The following KCNN2 variants were observed in gnomAD, a reference collection of about 807,000 sequenced individuals.
KCNN2 encodes small conductance calcium-activated potassium channel protein 2.
In KCNN2, 24 loss-of-function variants were observed where a neutral mutation model predicts 55.5. The observed-to-expected ratio is 0.43, with a 90% CI of 0.31 to 0.61. The LOEUF (loss-of-function observed/expected upper bound fraction) is 0.61. KCNN2 is among the 20% of genes least tolerant of loss of function. The pLI is 0.08. For missense variants in KCNN2, 754 were observed against 853.6 expected (o/e 0.88, Z 1.45); for synonymous variants, 431 against 336.1 (o/e 1.28, Z -3.09).
At chr5:114,241,794 G>A (rs1440129136) in intron 2 of KCNN2, among the ~76,000 whole-genome samples, 9,465 of 16,836 alleles carry the variant, frequency 0.56, 3,074 homozygotes, top group South Asian at 0.68. Flanking sequence ...GTATATATAT[G>A]TATATATATA....
At chr5:114,475,748 G>A (rs537003069) in intron 5 of KCNN2, among the ~76,000 whole-genome samples, 1 of 152,128 alleles carries the variant, frequency 6.6e-6, no homozygotes, top group Admixed American at 6.5e-5. Flanking sequence ...TCCGGTCAGA[G>A]GCCCCTTTAG....
intron 1 of KCNN2, among the ~76,000 whole-genome samples, chr5:114,147,410 C>T (rs1353476472): frequency 6.6e-6 from 1 of 152,122 alleles, no homozygotes; most frequent in Non-Finnish European, 1.5e-5. Context: ...ACGTTGACGT[C>T]CTAACCCAAT....
chr5:114,223,876 C>T (rs548555429), intron 2 of KCNN2, among the ~76,000 whole-genome samples: 13 of 152,150 alleles, frequency 8.5e-5, no homozygotes, highest in African/African-American at 2.9e-4. Flanking sequence ...AAGAAGGGGG[C>T]CCCATTTGGC....
intron 2 of KCNN2, among the ~76,000 whole-genome samples, chr5:114,397,996 A>G (rs1758671216): frequency 6.6e-6 from 1 of 152,140 alleles, no homozygotes; most frequent in East Asian, 1.9e-4. Flanking sequence ...TACTGTGTTC[A>G]TAGTTTCCTT....
At chr5:114,472,633 CATCTT>C (rs887456533) in intron 4 of KCNN2, among the ~76,000 whole-genome samples, 2 of 152,162 alleles carry the variant, frequency 1.3e-5, no homozygotes, top group African/African-American at 4.8e-5. Context: ...CTGCTGATCT[CATCTT>C]AAGATTAGAG....
chr5:114,117,561 C>T (rs1024916031), intron 1 of KCNN2, among the ~76,000 whole-genome samples: 1 of 152,114 alleles, frequency 6.6e-6, no homozygotes, highest in Non-Finnish European at 1.5e-5. Flanking sequence ...ATTGCTTGAG[C>T]CGTGGATTGT....
chr5:114,473,716 A>T (rs181272497), intron 5 of KCNN2, among the ~76,000 whole-genome samples: 5 of 152,352 alleles, frequency 3.3e-5, no homozygotes, highest in Non-Finnish European at 7.3e-5. Context: ...AGAAGAAAAC[A>T]GTAATCACAA....
chr5:114,250,383 C>T (rs929758843), intron 2 of KCNN2, among the ~76,000 whole-genome samples: 1 of 152,094 alleles, frequency 6.6e-6, no homozygotes, highest in Admixed American at 6.5e-5. Flanking sequence ...GATAGGGTCT[C>T]TGGAGAATTG....
intron 2 of KCNN2, among the ~76,000 whole-genome samples, chr5:114,375,909 G>A: frequency 7.6e-6 from 1 of 132,436 alleles, no homozygotes; most frequent in Non-Finnish European, 1.6e-5. Flanking sequence ...GTATTCACTG[G>A]CTCTTGTGGA....
chr5:114,356,212 G>C (rs762412688), intron 2 of KCNN2, among the ~76,000 whole-genome samples: 7 of 152,136 alleles, frequency 4.6e-5, no homozygotes, highest in Non-Finnish European at 8.8e-5. Flanking sequence ...GGTAGGCACT[G>C]CATTTCAGAT....
intron 1 of KCNN2, among the ~76,000 whole-genome samples, chr5:114,066,056 A>T (rs1252479454): frequency 6.6e-6 from 1 of 152,072 alleles, no homozygotes; most frequent in African/African-American, 2.4e-5. Flanking sequence ...TCTATTTAAC[A>T]TATTGGAAGA....
chr5:114,067,742 G>C, intron 1 of KCNN2, among the ~76,000 whole-genome samples: 1 of 151,996 alleles, frequency 6.6e-6, no homozygotes, highest in Non-Finnish European at 1.5e-5. Flanking sequence ...CTCCCACAGG[G>C]GTCTGTGTAT....
At chr5:114,137,891 GTATT>G (rs1752204397) in intron 1 of KCNN2, among the ~76,000 whole-genome samples, 6 of 152,134 alleles carry the variant, frequency 3.9e-5, no homozygotes, top group Admixed American at 3.9e-4. Flanking sequence ...TGCCAGTAAA[GTATT>G]TGTTTTTAAC....
intron 3 of KCNN2, among the ~76,000 whole-genome samples, chr5:114,421,892 C>G (rs931653825): frequency 6.6e-6 from 1 of 152,204 alleles, no homozygotes; most frequent in African/African-American, 2.4e-5. Context: ...GGTGTGATTA[C>G]AGGCGTGAGC....
At chr5:114,415,741 T>G (rs2150077472) in intron 3 of KCNN2, among the ~76,000 whole-genome samples, 1 of 152,372 alleles carries the variant, frequency 6.6e-6, no homozygotes, top group South Asian at 2.1e-4. Flanking sequence ...GGCATTTGTC[T>G]TATTAAATTT....
chr5:114,315,030 C>A (rs1279519295), intron 2 of KCNN2, among the ~76,000 whole-genome samples: 2 of 152,108 alleles, frequency 1.3e-5, no homozygotes, highest in Non-Finnish European at 2.9e-5. Context: ...TCATAGGCTA[C>A]TAAATCAACA....
chr5:114,279,443 C>CTGCTCCATTAAG (rs1337929026), intron 2 of KCNN2, among the ~76,000 whole-genome samples: 1 of 152,062 alleles, frequency 6.6e-6, no homozygotes, highest in Non-Finnish European at 1.5e-5. Flanking sequence ...AATGCTATCC[C>CTGCTCCATTAAG]TCCCTGCTCC....
chr5:114,450,806 G>A (rs72801847), intron 3 of KCNN2, among the ~76,000 whole-genome samples: 3,375 of 152,202 alleles, frequency 0.022, 58 homozygotes, highest in Middle Eastern at 0.034. Flanking sequence ...TATCTGTTAC[G>A]CATTTAACAA....
At chr5:114,184,173 C>T (rs1204332926) in intron 1 of KCNN2, among the ~76,000 whole-genome samples, 1 of 152,118 alleles carries the variant, frequency 6.6e-6, no homozygotes, top group Non-Finnish European at 1.5e-5. Context: ...GCACACTTTA[C>T]TAATTACAAA....
Sources: gnomAD v4.1 joint callset for allele counts (sites outside exome capture counted in the v4.1 genomes callset) on GRCh38, gnomAD v4.1.1 for gene constraint, MANE v1.5 for transcripts, NCBI Gene and HGNC (gene_info 2026-07-23, HGNC 2026-07-21) for gene names.